Variants in MDN1 observed in about 807,000 individuals in gnomAD.
MDN1 encodes midasin AAA ATPase 1, also known as midasin.
In MDN1, 266 loss-of-function variants were observed where a neutral mutation model predicts 669.2. That is an observed-to-expected ratio of 0.40 (90% confidence interval 0.36 to 0.44). The LOEUF (loss-of-function observed/expected upper bound fraction) is 0.44, where lower values mean the gene tolerates loss of function less well. Among genes scored for constraint, MDN1 ranks in the 20% least tolerant of loss-of-function variants. The pLI is 1.00. For missense variants in MDN1, 5,940 were observed against 6,754.0 expected (o/e 0.88, Z 4.22); for synonymous variants, 2,385 against 2,457.1 (o/e 0.97, Z 0.87).
At chr6:89,791,930 C>T (rs562174133) in intron 5 of MDN1, among the ~76,000 whole-genome samples, 143 of 140,088 alleles carry the variant, frequency 1.0e-3, no homozygotes, top group Middle Eastern at 4.2e-3. Flanking sequence ...TGCAGTGGCA[C>T]GATCTCGGCT....
chr6:89,671,182 T>A (rs1810727846), intron 82 of MDN1, 102 bp from the exon 83 acceptor site: 1 of 1,296,948 alleles, frequency 7.7e-7, no homozygotes, highest in South Asian at 1.4e-5. Context: ...ACATTGTGAA[T>A]GTACTAAATA....
chr6:89,693,810 A>C (rs1186599994), intron 62 of MDN1, among the ~76,000 whole-genome samples: 1 of 152,230 alleles, frequency 6.6e-6, no homozygotes, highest in African/African-American at 2.4e-5. Flanking sequence ...AATATAGTGC[A>C]TACTATCACA....
Position 89,687,357 on chromosome 6 carries a change from T to C in MDN1, c.11437A>G (p.Lys3813Glu). ...LISQMIIRWR[K>E]LELNCWSMSL... ...AGAGTCACTTACTTCAGCTCCAGTT[T>C]ACGCCACCGAATGATCATCTGACTG... Residue 3813 changes from lysine to glutamate, a missense_variant, in exon 68 of 102, where the codon AAA (lysine) becomes GAA (glutamate). Coordinates refer to ENST00000369393, the MANE Select transcript of MDN1 (RefSeq NM_014611.3). The C allele has an allele frequency of 1.2e-6, 2 of 1,613,964 alleles. No homozygotes were observed. Among genetic ancestry groups the C allele is most frequent in the Non-Finnish European group, 1.7e-6 (2 of 1,179,904 alleles).
At chr6:89,783,852 A>G (rs554759576) in intron 9 of MDN1, among the ~76,000 whole-genome samples, 32 of 152,004 alleles carry the variant, frequency 2.1e-4, no homozygotes, top group South Asian at 1.0e-3. Flanking sequence ...GGTTACCCCA[A>G]TAGTGGCATG....
At chr6:89,740,927 A>G (rs147398786) in intron 31 of MDN1, among the ~76,000 whole-genome samples, 1 of 152,324 alleles carries the variant, frequency 6.6e-6, no homozygotes, top group African/African-American at 2.4e-5. Context: ...TGAATGATGG[A>G]AATGTTGTAA....
Position 89,658,798 on chromosome 6 carries a change from G to A in MDN1, c.14833C>T (p.Pro4945Ser), listed in dbSNP as rs1421291323. The A allele has an allele frequency of 6.2e-7, 1 of 1,613,836 alleles. No individual in the cohort carries two copies. Among genetic ancestry groups the A allele is most frequent in the Non-Finnish European group, 8.5e-7 (1 of 1,179,984 alleles). The change falls in exon 89 of 102, where the codon CCC becomes TCC. Residue 4945 changes from proline to serine, a missense_variant. Coordinates refer to ENST00000369393, the MANE Select transcript of MDN1 (RefSeq NM_014611.3). ...SQSPQEPEEG[P>S]SEDDKAEGEE... is the part of the protein sequence containing the mutation. ...CCTTCTGCCTTGTCATCTTCACTGG[G>A]GCCTTCCTCAGGCTCCTGTGGACTC...
intron 85 of MDN1, among the ~76,000 whole-genome samples, chr6:89,663,600 A>G (rs1159231119): frequency 6.6e-6 from 1 of 152,146 alleles, no homozygotes; most frequent in Admixed American, 6.6e-5. Flanking sequence ...CAAATTCTCA[A>G]ATAATTTTTA....
In MDN1 at chr6:89,670,159, TATATA is replaced by T. The variant is rs1245123292; in HGVS notation, c.13956+755_13956+759del. On this transcript the variant is annotated intron_variant, in intron 83 of 101. Transcript: ENST00000369393. ...AAAAACATATATATATATATATATA[TATATA>T]TATATATTTTTTTTTTTTTTTTTTT... Among the ~76,000 whole-genome samples the T allele has an allele frequency of 2.0e-3, 51 of 25,268 alleles. 1 individual carries two copies. Among genetic ancestry groups the T allele is most frequent in the Non-Finnish European group, 2.7e-3 (41 of 14,914 alleles). 16.6% of individuals were successfully genotyped at this position (25,268 alleles called of 152,430 possible). A position where few individuals can be genotyped will look rare whatever the true frequency, so the allele number is the denominator to read the frequency against.
intron 56 of MDN1, 45 bp from the exon 57 acceptor site, chr6:89,700,339 G>C: frequency 6.8e-7 from 1 of 1,462,524 alleles, no homozygotes; most frequent in Non-Finnish European, 9.6e-7. Context: ...ATGGTTAAGA[G>C]TATAGCCTCT....
chr6:89,677,786 C>A, intron 75 of MDN1, 90 bp from the exon 76 acceptor site: 1 of 1,548,268 alleles, frequency 6.5e-7, no homozygotes, highest in Non-Finnish European at 8.8e-7. Flanking sequence ...GCAAAGTCTT[C>A]TAAACAGCAT....
Position 89,740,357 on chromosome 6 carries a change from A to G in MDN1, c.4470T>C (p.Ser1490=). 2 of 1,588,094 alleles carry G rather than the reference A, an allele frequency of 1.3e-6. No homozygotes were observed. The highest frequency in any genetic ancestry group is 1.2e-5 in the South Asian group (1 of 86,142). ...GACTGCCTTTTTCAGCTAATACCAG[A>G]GACTTTTCTACTTCAAGGACACTAA... ...RLNSVLEVEK[S]LVLAEKGSPE... The change falls in exon 32 of 102, where the codon TCT becomes TCC. Residue 1490 remains serine (S), a synonymous_variant. Coordinates refer to ENST00000369393, the MANE Select transcript of MDN1 (RefSeq NM_014611.3).
Position 89,685,925 on chromosome 6 carries a change from A to C in MDN1, c.11621T>G (p.Phe3874Cys). Residue 3874 changes from phenylalanine to cysteine, a missense_variant, in exon 70 of 102, where the codon TTT becomes TGT. Physicochemically the swap from Phe to Cys is radical, Grantham distance 205 (BLOSUM62 -2). Transcript: ENST00000369393. Reference protein sequence around the residue: ...LMLLVSTLQAFIEGSSLGEFH... With the variant: ...LMLLVSTLQACIEGSSLGEFH... ...CTCTCCCAGCGAGGATCCTTCAATAAATGCTTGTAATGTGCTGACCAGCAA... is the reference window on the plus strand; with the variant it reads ...CTCTCCCAGCGAGGATCCTTCAATACATGCTTGTAATGTGCTGACCAGCAA... 6.2e-7 allele frequency: 1 copy of C among 1,614,158 alleles called. No individual in the cohort carries two copies. Among genetic ancestry groups the C allele is most frequent in the African/African-American group, 1.3e-5 (1 of 75,058 alleles).
At chr6:89,712,393 A>G in intron 48 of MDN1, 137 bp from the exon 49 acceptor site, 1 of 1,000,990 alleles carries the variant, frequency 1.0e-6, no homozygotes, top group South Asian at 1.6e-5. Context: ...AGAGGAAGAA[A>G]GTTAAAACAT....
chr6:89,781,406 A>C lies in MDN1; in HGVS notation c.1636T>G (p.Ser546Ala). 1 of 1,613,628 alleles carries C rather than the reference A, an allele frequency of 6.2e-7. No individual in the cohort carries two copies. The highest frequency in any genetic ancestry group is 1.1e-5 in the South Asian group (1 of 91,030). Reference sequence around the variant, plus strand: ...AACTGTTTAGTCCAGTACCTTAGAGATAATTCTCTTCCCTCAAGGGTTGGT... The same window carrying C: ...AACTGTTTAGTCCAGTACCTTAGAGCTAATTCTCTTCCCTCAAGGGTTGGT... Reference protein sequence around the residue: ...KRPTLEGRELSLRDLLNWCNR... With the variant: ...KRPTLEGRELALRDLLNWCNR... The change falls in exon 10 of 102, where the codon TCT (serine) becomes GCT (alanine). Residue 546 changes from serine (S) to alanine (A), a missense_variant. Coordinates refer to ENST00000369393, the MANE Select transcript of MDN1 (RefSeq NM_014611.3).
In MDN1 at chr6:89,743,535, C is replaced by T. The variant is rs1169572766; in HGVS notation, c.4317+41G>A. Reference sequence around the variant, plus strand: ...CCACTAACTCATGCACAGCTAACTGCAGTTTTTTAAAATAACAGGAACACT... The same window carrying T: ...CCACTAACTCATGCACAGCTAACTGTAGTTTTTTAAAATAACAGGAACACT... On this transcript the variant is annotated intron_variant, in intron 30 of 101. Transcript: ENST00000369393. 2.5e-6 allele frequency: 4 copies of T among 1,590,486 alleles called. No homozygotes were observed. In the African/African-American group the frequency reaches 5.4e-5, roughly 22 times the overall value.
rs1489140937 is a variant in MDN1, at chr6:89,803,879, C to CCTTTT, written c.103-330_103-326dup. Among the ~76,000 whole-genome samples, 10 of 108,338 alleles carry CCTTTT rather than the reference C, an allele frequency of 9.2e-5. No homozygotes were observed. In the South Asian group the frequency reaches 2.1e-3, roughly 23 times the overall value. The allele number at this position is 108,338 out of a possible 152,430, so 71.1% of individuals were successfully genotyped here. ...TACAGGCGTGAGCCACCGCGCCCGG[C>CCTTTT]CTTTTCTTTTCTTTTCTTTTTTTTT... On this transcript the variant is annotated intron_variant, in intron 1 of 101. Coordinates refer to ENST00000369393, the MANE Select transcript of MDN1 (RefSeq NM_014611.3).
chr6:89,725,471 G>A (rs1425338332), intron 37 of MDN1, 75 bp from the exon 38 acceptor site: 3 of 1,219,612 alleles, frequency 2.5e-6, no homozygotes, highest in Admixed American at 3.7e-5. Flanking sequence ...GGAATAATAT[G>A]CAGCAAATAA....
chr6:89,791,566 A>G (rs1819270982), intron 5 of MDN1, among the ~76,000 whole-genome samples: 1 of 152,228 alleles, frequency 6.6e-6, no homozygotes, highest in Non-Finnish European at 1.5e-5. Context: ...TATTCACTAT[A>G]CCATTCTTTC....
At chr6:89,691,080 A>G (rs1812349043) in intron 63 of MDN1, among the ~76,000 whole-genome samples, 1 of 152,164 alleles carries the variant, frequency 6.6e-6, no homozygotes, top group African/African-American at 2.4e-5. Flanking sequence ...AAGGTGTAAA[A>G]CTTGCCACAG....
Sources: allele counts gnomAD v4.1 joint callset (sites outside exome capture counted in the v4.1 genomes callset), GRCh38; gene constraint gnomAD v4.1.1; transcripts MANE v1.5; gene names NCBI Gene and HGNC (gene_info 2026-07-23, HGNC 2026-07-21).